Variants in ADAM28 observed in about 807,000 individuals in gnomAD.
ADAM28 encodes ADAM metallopeptidase domain 28, also known as disintegrin and metalloproteinase domain-containing protein 28.
A neutral mutation model predicts 101.2 loss-of-function variants in ADAM28; 105 were observed. The observed-to-expected ratio is 1.04, with a 90% CI of 0.89 to 1.22. The LOEUF is 1.22. Among genes scored for constraint, ADAM28 ranks in the 50% most tolerant of loss-of-function variants. ADAM28 has a pLI of 0.00. For missense variants in ADAM28, 1,028 were observed against 945.4 expected (o/e 1.09, Z -1.15); for synonymous variants, 322 against 310.6 (o/e 1.04, Z -0.39).
At position 24,354,519 on chromosome 8, in the gene ADAM28, G is replaced by C; in HGVS notation, c.*115G>C. 1 of 1,283,292 alleles carries C rather than the reference G, an allele frequency of 7.8e-7. No homozygotes were observed. 79.5% of individuals were successfully genotyped at this position (1,283,292 alleles called of 1,614,324 possible). On this transcript the variant is annotated 3_prime_UTR_variant, in exon 23 of 23. Coordinates refer to ENST00000265769, the MANE Select transcript of ADAM28 (RefSeq NM_014265.6). ...CAGTATTTGCTCTCGACTCAAGAAG[G>C]TTAACATTTTCTGATTCATGTTAGA...
At position 24,358,006 on chromosome 8, in the gene ADAM28, C is replaced by G; in HGVS notation, c.*3602C>G. On this transcript the variant is annotated 3_prime_UTR_variant, in exon 23 of 23. Coordinates refer to ENST00000265769, the MANE Select transcript of ADAM28 (RefSeq NM_014265.6). ...AATTTATAGTTGTTTCTCTTGTTTA[C>G]TTATATAGTTGTTTCTCTTGTTTAC... 7.1e-6 allele frequency: 1 copy of G among 141,232 alleles called. No individual in the cohort carries two copies. Among genetic ancestry groups the G allele is most frequent in the South Asian group, 2.2e-4 (1 of 4,604 alleles). 8.7% of individuals were successfully genotyped at this position (141,232 alleles called of 1,614,324 possible).
At chr8:24,307,652 TA>T (rs1809878686) in intron 2 of ADAM28, among the ~76,000 whole-genome samples, 1 of 152,212 alleles carries the variant, frequency 6.6e-6, no homozygotes, top group Admixed American at 6.5e-5. Flanking sequence ...ATATTACCCA[TA>T]AACCTCCATA....
intron 6 of ADAM28, among the ~76,000 whole-genome samples, chr8:24,317,741 T>C (rs1025620578): frequency 1.3e-4 from 19 of 151,272 alleles, no homozygotes; most frequent in African/African-American, 2.2e-4. Flanking sequence ...TGAAAAGGAA[T>C]CTAAAAAAGG....
intron 14 of ADAM28, among the ~76,000 whole-genome samples, chr8:24,338,112 T>G (rs1403740725): frequency 1.3e-5 from 2 of 152,184 alleles, no homozygotes; most frequent in Non-Finnish European, 2.9e-5. Flanking sequence ...TAAAAATAAT[T>G]GTTTTTTACT....
At chr8:24,346,480 C>A (rs1199606964) in intron 18 of ADAM28, among the ~76,000 whole-genome samples, 2 of 152,034 alleles carry the variant, frequency 1.3e-5, no homozygotes, top group Non-Finnish European at 2.9e-5. Context: ...TCCTTTAAAT[C>A]TTATGCCTTT....
rs1014558141 is a variant in ADAM28, at chr8:24,356,836, T to TATTA, written c.*2433_*2436dup. The stretch of plus-strand genomic sequence containing the variant: ...TAAGATACCTTAGTGTTTGTCTACT[T>TATTA]ATTACAACTCACCAAATTACTGGTT... On this transcript the variant is annotated 3_prime_UTR_variant, in exon 23 of 23. Transcript: ENST00000265769. 7.0e-4 allele frequency: 106 copies of TATTA among 152,334 alleles called. No homozygotes were observed. Among genetic ancestry groups the TATTA allele is most frequent in the African/African-American group, 2.4e-3 (101 of 41,580 alleles). 9.4% of individuals were successfully genotyped at this position (152,334 alleles called of 1,614,324 possible). A position where few individuals can be genotyped will look rare whatever the true frequency, so the allele number is the denominator to read the frequency against.
intron 16 of ADAM28, 146 bp downstream of exon 16, chr8:24,341,903 T>G (rs527327848): frequency 2.1e-5 from 20 of 940,666 alleles, no homozygotes; most frequent in Admixed American, 1.6e-4. Flanking sequence ...AGTTTGAATT[T>G]GGAACACAGA....
At chr8:24,296,931 T>C (rs1357802890) in intron 1 of ADAM28, among the ~76,000 whole-genome samples, 1 of 152,210 alleles carries the variant, frequency 6.6e-6, no homozygotes, top group African/African-American at 2.4e-5. Context: ...CTAAACAATA[T>C]TTAGGTCTGT....
intron 13 of ADAM28, among the ~76,000 whole-genome samples, chr8:24,332,992 C>T (rs921706311): frequency 1.3e-5 from 2 of 151,966 alleles, no homozygotes; most frequent in African/African-American, 4.8e-5. Flanking sequence ...AGAAAATGAA[C>T]AAAATAATAT....
In ADAM28 at chr8:24,331,266, C is replaced by T. The variant is rs1273664136; in HGVS notation, c.1220C>T (p.Thr407Ile). The T allele has an allele frequency of 1.9e-6, 3 of 1,612,600 alleles. No homozygotes were observed. The highest frequency in any genetic ancestry group is 1.3e-5 in the African/African-American group (1 of 74,854). The change falls in exon 12 of 23, where the codon ACT (threonine) becomes ATT (isoleucine). Residue 407 changes from threonine (T) to isoleucine (I), a missense_variant. By Grantham distance (89) the Thr-to-Ile change is moderately conservative. Transcript: ENST00000265769. Reference protein sequence around the residue: ...NAPLPTDIISTPICGNQLVEM... With the variant: ...NAPLPTDIISIPICGNQLVEM... ...CCATTGCCTACAGATATCATATCCA[C>T]TCCAATTTGTGGGAACCAGTTGGTG...
chr8:24,349,705 T>G (rs1485629549), intron 18 of ADAM28, among the ~76,000 whole-genome samples, 159 bp from the exon 19 acceptor site: 1 of 152,198 alleles, frequency 6.6e-6, no homozygotes, highest in Non-Finnish European at 1.5e-5. Context: ...AATATAATTA[T>G]CCTGATCAAA....
At chr8:24,338,969 G>GTA (rs1554518898) in intron 14 of ADAM28, among the ~76,000 whole-genome samples, 1 of 151,754 alleles carries the variant, frequency 6.6e-6, no homozygotes, top group Admixed American at 6.6e-5. Flanking sequence ...TATATAATGT[G>GTA]TATATATATA....
chr8:24,338,759 G>A (rs946980846), intron 14 of ADAM28, among the ~76,000 whole-genome samples: 1 of 151,992 alleles, frequency 6.6e-6, no homozygotes, highest in African/African-American at 2.4e-5. Context: ...TTGAAGAGAG[G>A]GTACCTCAGC....
chr8:24,311,303 TTAGCAGCGG>T (rs1398785339), intron 4 of ADAM28, 49 bp from the exon 5 acceptor site: 1 of 1,380,680 alleles, frequency 7.2e-7, no homozygotes, highest in African/African-American at 1.4e-5. Flanking sequence ...AGATGCGGCT[TTAGCAGCGG>T]TGCTAAAATT....
At chr8:24,343,397 T>G (rs1252358687) in intron 17 of ADAM28, 109 bp from the exon 18 acceptor site, 2 of 1,179,252 alleles carry the variant, frequency 1.7e-6, no homozygotes, top group African/African-American at 3.1e-5. Context: ...GATGGAAGCC[T>G]GGAGACTGGG....
intron 14 of ADAM28, among the ~76,000 whole-genome samples, chr8:24,336,615 A>G (rs992055796): frequency 6.6e-6 from 1 of 151,326 alleles, no homozygotes; most frequent in Non-Finnish European, 1.5e-5. Flanking sequence ...AAAAAGAAAA[A>G]TAACTTTATT....
At chr8:24,315,893 C>G (rs914744263) in intron 6 of ADAM28, among the ~76,000 whole-genome samples, 1 of 151,786 alleles carries the variant, frequency 6.6e-6, no homozygotes, top group Non-Finnish European at 1.5e-5. Context: ...TATCAACAGA[C>G]TGAAAGACAA....
intron 14 of ADAM28, among the ~76,000 whole-genome samples, 161 bp from the exon 15 acceptor site, chr8:24,339,305 G>C (rs552517483): frequency 1.7e-4 from 26 of 152,232 alleles, no homozygotes; most frequent in Non-Finnish European, 3.2e-4. Flanking sequence ...TATGTTTCTA[G>C]GAGTGGTCAA....
chr8:24,331,158 T>C lies in ADAM28; in HGVS notation c.1112T>C (p.Ile371Thr). The C allele has an allele frequency of 6.2e-7, 1 of 1,610,832 alleles. No individual in the cohort carries two copies. The highest frequency in any genetic ancestry group is 8.5e-7 in the Non-Finnish European group (1 of 1,178,548). The change falls in exon 12 of 23, where the codon ATA (isoleucine) becomes ACA (threonine). Residue 371 changes from isoleucine (I) to threonine (T), a missense_variant. Physicochemically the swap from Ile to Thr is moderately conservative, Grantham distance 89 (BLOSUM62 -1). Transcript: ENST00000265769. ...CVMDKALSFY[I>T]PTDFSSCSRL... is the part of the protein sequence containing the mutation. ...TTTCCTTATCTTCACAGCTTCTATA[T>C]ACCCACAGACTTCAGTTCCTGCAGC...
Sources: allele counts gnomAD v4.1 joint callset (sites outside exome capture counted in the v4.1 genomes callset), GRCh38; gene constraint gnomAD v4.1.1; transcripts MANE v1.5; gene names NCBI Gene and HGNC (gene_info 2026-07-23, HGNC 2026-07-21).